Variants in USP26 observed in about 807,000 individuals in gnomAD.
The protein encoded by USP26 is ubiquitin carboxyl-terminal hydrolase 26.
For missense variants in USP26, 649 were observed against 642.3 expected (o/e 1.01, Z -0.11); for synonymous variants, 236 against 240.6 (o/e 0.98, Z 0.18).
At chrX:133,086,939 C>G (rs868275100) in intron 4 of USP26, among the ~76,000 whole-genome samples, 1 of 97,666 alleles carries the variant, frequency 1.0e-5, no homozygotes, top group Non-Finnish European at 2.1e-5. Flanking sequence ...AAAAAGGTAA[C>G]AATAATAAAA....
At chrX:133,094,288 G>C (rs1279061168) in intron 1 of USP26, among the ~76,000 whole-genome samples, 1 of 111,262 alleles carries the variant, frequency 9.0e-6, no homozygotes, top group Non-Finnish European at 1.9e-5. Context: ...AAGGGACAGG[G>C]TTGGTGCATG....
chrX:133,060,118 A>C (rs2067489821), intron 5 of USP26, among the ~76,000 whole-genome samples: 1 of 112,012 alleles, frequency 8.9e-6, no homozygotes, highest in African/African-American at 3.2e-5. Context: ...AGTGAAATGA[A>C]GATTTAGTGT....
rs528153366 is a variant in USP26, at chrX:133,040,147, T to C, written c.-76-11851A>G. Among the ~76,000 whole-genome samples, 23 of 112,124 alleles carry C rather than the reference T, an allele frequency of 2.1e-4. No individual in the cohort carries two copies. In the South Asian group the frequency reaches 8.3e-3, roughly 40 times the overall value. On this transcript the variant is annotated intron_variant, in intron 5 of 5. Transcript: ENST00000511190. ...TGAACGATCTTGACTCTTTATACAA[T>C]TTGCCAGTCTGTGTCTTTTAATTGG...
rs2067337533 is a variant in USP26 at position 133,024,679 on chromosome X, C to A, written c.*800G>T. The A allele has an allele frequency of 1.8e-5, 2 of 111,856 alleles. No individual in the cohort carries two copies. Among genetic ancestry groups the A allele is most frequent in the Non-Finnish European group, 3.8e-5 (2 of 53,187 alleles). The allele number at this position is 111,856 out of a possible 1,213,427, so 9.2% of individuals were successfully genotyped here. Reference sequence around the variant, plus strand: ...AATAAGTTCACAAAGGCAAGGCATACATTAATATGAAAAACACAAAAATGT... The same window carrying A: ...AATAAGTTCACAAAGGCAAGGCATAAATTAATATGAAAAACACAAAAATGT... On this transcript the variant is annotated 3_prime_UTR_variant, in exon 6 of 6. Transcript: ENST00000511190.
At chrX:133,070,818 T>C (rs2067527924) in intron 5 of USP26, among the ~76,000 whole-genome samples, 1 of 112,017 alleles carries the variant, frequency 8.9e-6, no homozygotes, top group South Asian at 3.7e-4. Flanking sequence ...CATCATTCCA[T>C]GCTGATGAAT....
At chrX:133,089,013 C>T (rs1422704553) in intron 4 of USP26, among the ~76,000 whole-genome samples, 1 of 109,203 alleles carries the variant, frequency 9.2e-6, no homozygotes, top group Non-Finnish European at 1.9e-5. Context: ...CAATGATTTC[C>T]ACCTTCCATG....
At chrX:133,084,493 C>G (rs926187543) in intron 4 of USP26, among the ~76,000 whole-genome samples, 1 of 107,298 alleles carries the variant, frequency 9.3e-6, no homozygotes, top group African/African-American at 3.4e-5. Context: ...GCCACCGGGC[C>G]TGGCCTGGGG....
Position 133,027,299 on chromosome X carries a change from C to T in USP26, c.922G>A (p.Ala308Thr), listed in dbSNP as rs759653251. 2 of 1,209,326 alleles carry T rather than the reference C, an allele frequency of 1.7e-6. No individual in the cohort carries two copies. Among genetic ancestry groups the T allele is most frequent in the African/African-American group, 3.5e-5 (2 of 57,271 alleles). The change falls in exon 6 of 6, where the codon GCA becomes ACA. Residue 308 changes from alanine to threonine, a missense_variant. Physicochemically the swap from Ala to Thr is moderately conservative, Grantham distance 58. Coordinates refer to ENST00000511190, the MANE Select transcript of USP26 (RefSeq NM_031907.3). ...ATTGAAAGTAGAGACTGTAACACTG[C>T]ATTCATATAACAGGTGTTTCCCAAA... ...PNLGNTCYMNAVLQSLLSIPS... is the reference protein window; with the variant it reads ...PNLGNTCYMNTVLQSLLSIPS...
intron 5 of USP26, among the ~76,000 whole-genome samples, chrX:133,061,857 G>A (rs1170245450): frequency 1.8e-5 from 2 of 111,640 alleles, no homozygotes; most frequent in Admixed American, 9.5e-5. Flanking sequence ...AAAACCGGGC[G>A]ACTGTTAGGG....
intron 5 of USP26, among the ~76,000 whole-genome samples, chrX:133,033,541 G>C (rs746910889): frequency 1.8e-5 from 2 of 112,221 alleles, no homozygotes; most frequent in Non-Finnish European, 1.9e-5. Context: ...CAACATAGTT[G>C]ATTAGGAAAA....
chrX:133,075,436 G>A (rs1239644456), intron 5 of USP26, among the ~76,000 whole-genome samples: 1 of 111,854 alleles, frequency 8.9e-6, no homozygotes, highest in African/African-American at 3.2e-5. Flanking sequence ...TTCAATGTTT[G>A]TATCTACCAA....
At chrX:133,028,977 A>G (rs1364304632) in intron 5 of USP26, among the ~76,000 whole-genome samples, 1 of 112,451 alleles carries the variant, frequency 8.9e-6, no homozygotes, top group Non-Finnish European at 1.9e-5. Flanking sequence ...TACCCATTAG[A>G]TATATAGGCT....
intron 5 of USP26, among the ~76,000 whole-genome samples, chrX:133,070,879 T>C (rs1285253175): frequency 9.0e-6 from 1 of 111,536 alleles, no homozygotes. Context: ...TATTTGGACA[T>C]CCTGATACAG....
At chrX:133,043,896 C>T (rs972723454) in intron 5 of USP26, among the ~76,000 whole-genome samples, 1 of 111,166 alleles carries the variant, frequency 9.0e-6, no homozygotes, top group African/African-American at 3.3e-5. Flanking sequence ...AAACAAAAAA[C>T]AAAACAAAAC....
intron 5 of USP26, among the ~76,000 whole-genome samples, chrX:133,035,241 T>C (rs2067392151): frequency 8.9e-6 from 1 of 112,426 alleles, no homozygotes; most frequent in Non-Finnish European, 1.9e-5. Context: ...TACAAGATTC[T>C]ATGTACTAAG....
intron 5 of USP26, among the ~76,000 whole-genome samples, chrX:133,067,387 A>G (rs1352521951): frequency 8.9e-6 from 1 of 112,856 alleles, no homozygotes; most frequent in Non-Finnish European, 1.9e-5. Flanking sequence ...ATAGACCCAA[A>G]GGATTATAAA....
Position 133,097,069 on chromosome X carries a change from C to T in USP26, c.-432G>A, listed in dbSNP as rs371666289. 30 of 112,724 alleles carry T rather than the reference C, an allele frequency of 2.7e-4. No homozygotes were observed. Among genetic ancestry groups the T allele is most frequent in the Non-Finnish European group, 3.8e-4 (20 of 53,301 alleles). The allele number at this position is 112,724 out of a possible 1,213,427, so 9.3% of individuals were successfully genotyped here. Reference sequence around the variant, plus strand: ...GAAGTCGACACCCCTGACACACCAACGCTCCACCACGTGCCCACTTAACGA... The same window carrying T: ...GAAGTCGACACCCCTGACACACCAATGCTCCACCACGTGCCCACTTAACGA... On this transcript the variant is annotated 5_prime_UTR_variant, in exon 1 of 6. Transcript: ENST00000511190.
intron 5 of USP26, among the ~76,000 whole-genome samples, chrX:133,051,311 G>C (rs190062067): frequency 3.6e-5 from 4 of 112,007 alleles, no homozygotes; most frequent in Non-Finnish European, 5.6e-5. Flanking sequence ...AAAGCACCAT[G>C]AGACAAGTAT....
At chrX:133,088,867 A>G (rs975401487) in intron 4 of USP26, among the ~76,000 whole-genome samples, 2 of 111,309 alleles carry the variant, frequency 1.8e-5, no homozygotes, top group Non-Finnish European at 3.8e-5. Context: ...TCATCTAGCA[A>G]ACGAGCTAAG....
Sources: gnomAD v4.1 joint callset for allele counts (sites outside exome capture counted in the v4.1 genomes callset) on GRCh38, gnomAD v4.1.1 for gene constraint, MANE v1.5 for transcripts, NCBI Gene and HGNC (gene_info 2026-07-23, HGNC 2026-07-21) for gene names.